The following CAPN2 variants were observed in gnomAD, a reference collection of about 807,000 sequenced individuals.
CAPN2 encodes the protein calpain 2.
CAPN2 carries 92 observed loss-of-function variants against 102.3 expected under a neutral mutation model. The observed-to-expected ratio is 0.90, with a 90% CI of 0.76 to 1.07. The LOEUF (loss-of-function observed/expected upper bound fraction) is 1.07, where lower values mean the gene tolerates loss of function less well. CAPN2 is among the 50% of genes least tolerant of loss of function. The pLI is 0.00. For missense variants in CAPN2, 800 were observed against 909.4 expected (o/e 0.88, Z 1.55); for synonymous variants, 340 against 355.4 (o/e 0.96, Z 0.49).
intron 19 of CAPN2, 82 bp downstream of exon 19, chr1:223,772,007 A>C: frequency 1.7e-6 from 2 of 1,149,636 alleles, no homozygotes; most frequent in Non-Finnish European, 2.6e-6. Flanking sequence ...GAAATCATCT[A>C]AACTAGAGAC....
intron 20 of CAPN2, among the ~76,000 whole-genome samples, chr1:223,773,913 A>G (rs1017192611): frequency 4.6e-5 from 7 of 152,108 alleles, no homozygotes; most frequent in African/African-American, 1.7e-4. Flanking sequence ...GCGTGCCTGT[A>G]GACCCAGCTA....
chr1:223,723,354 G>A (rs1036390741), intron 2 of CAPN2, among the ~76,000 whole-genome samples: 2 of 152,136 alleles, frequency 1.3e-5, no homozygotes, highest in Admixed American at 1.3e-4. Flanking sequence ...AAGTACCCAT[G>A]TAGTTAAAAT....
At chr1:223,757,517 C>T in intron 11 of CAPN2, 137 bp downstream of exon 11, 6 of 933,786 alleles carry the variant, frequency 6.4e-6, no homozygotes, top group Non-Finnish European at 1.0e-5. Flanking sequence ...ACCCCTGGGG[C>T]CCTGCTGAAG....
In CAPN2 at chr1:223,725,422, G is replaced by A. The variant is rs892739635; in HGVS notation, c.307+7591G>A. On this transcript the variant is annotated intron_variant, in intron 2 of 20. Coordinates refer to ENST00000295006, the MANE Select transcript of CAPN2 (RefSeq NM_001748.5). The surrounding 1 kb of genome is among the most constrained non-coding windows in gnomAD (Gnocchi z 4.1). Reference sequence around the variant, plus strand: ...TGTGTCTACCTCAGAGGACTGTAAAGATGAAATGAAATAATAGACATATAA... The same window carrying A: ...TGTGTCTACCTCAGAGGACTGTAAAAATGAAATGAAATAATAGACATATAA... Among the ~76,000 whole-genome samples the A allele has an allele frequency of 2.0e-5, 3 of 152,114 alleles. No individual in the cohort carries two copies. Among genetic ancestry groups the A allele is most frequent in the South Asian group, 2.1e-4 (1 of 4,834 alleles).
chr1:223,735,936 T>C (rs574868999), intron 2 of CAPN2, among the ~76,000 whole-genome samples: 7 of 152,276 alleles, frequency 4.6e-5, no homozygotes, highest in Admixed American at 3.9e-4. Flanking sequence ...CATGCCACCA[T>C]GCTCAGCTAA....
At chr1:223,740,760 G>A (rs1660592232) in intron 2 of CAPN2, among the ~76,000 whole-genome samples, 1 of 152,210 alleles carries the variant, frequency 6.6e-6, no homozygotes, top group Non-Finnish European at 1.5e-5. Context: ...GCTTCTAAGA[G>A]AAGTTACTAT....
upstream of CAPN2, among the ~76,000 whole-genome samples, chr1:223,711,857 A>C (rs28370003): frequency 6.6e-6 from 1 of 152,212 alleles, no homozygotes; most frequent in East Asian, 1.9e-4. Context: ...CCGGCCTCCC[A>C]AAGTGTTGGG....
intron 18 of CAPN2, chr1:223,771,589 C>T: frequency 2.0e-6 from 1 of 512,640 alleles, no homozygotes. Context: ...TATGTGTCAG[C>T]AAAGGACACA....
intron 2 of CAPN2, among the ~76,000 whole-genome samples, chr1:223,741,128 C>T (rs1374035654): frequency 6.6e-6 from 1 of 152,132 alleles, no homozygotes; most frequent in Non-Finnish European, 1.5e-5. Context: ...CCTGGCACAC[C>T]TAAGCCTTTG....
Position 223,747,152 on chromosome 1 carries a change from G to T in CAPN2, c.716G>T (p.Gly239Val). 1 of 1,613,112 alleles carries T rather than the reference G, an allele frequency of 6.2e-7. No homozygotes were observed. Among genetic ancestry groups the T allele is most frequent in the Non-Finnish European group, 8.5e-7 (1 of 1,179,386 alleles). ...QKALQKGSLL[G>V]CSIDITSAAD... The stretch of plus-strand genomic sequence containing the variant: ...GCTCTGCAAAAAGGCTCTCTCCTTG[G>T]CTGCTCCATCGACGTAAGTCCAGGC... Residue 239 changes from glycine to valine, a missense_variant, in exon 5 of 21, where the codon GGC becomes GTC. Gly to Val is a moderately radical substitution (Grantham distance 109). Coordinates refer to ENST00000295006, the MANE Select transcript of CAPN2 (RefSeq NM_001748.5).
intron 2 of CAPN2, among the ~76,000 whole-genome samples, chr1:223,721,753 TG>T (rs1315955999): frequency 2.0e-5 from 3 of 152,232 alleles, no homozygotes; most frequent in Non-Finnish European, 2.9e-5. Context: ...TTTCCAGTCC[TG>T]TTCCTTCTAC....
rs913452975 is a variant in CAPN2, at chr1:223,735,546, T to A, written c.308-8554T>A. Among the ~76,000 whole-genome samples the A allele has an allele frequency of 9.3e-4, 138 of 148,820 alleles. 1 individual carries two copies. Among genetic ancestry groups the A allele is most frequent in the African/African-American group, 3.2e-3 (127 of 39,774 alleles). ...CTATCTAAAAAAAAAAAAAAAAAAATTTGTGGTCTTCTAACCACAAATCTA... is the reference window on the plus strand; with the variant it reads ...CTATCTAAAAAAAAAAAAAAAAAAAATTGTGGTCTTCTAACCACAAATCTA... On this transcript the variant is annotated intron_variant, in intron 2 of 20. Transcript: ENST00000295006.
chr1:223,716,093 A>G (rs1659867095), intron 1 of CAPN2, among the ~76,000 whole-genome samples: 1 of 152,126 alleles, frequency 6.6e-6, no homozygotes, highest in South Asian at 2.1e-4. Context: ...TAATGCAGCA[A>G]AGCCCAAACC....
intron 16 of CAPN2, among the ~76,000 whole-genome samples, chr1:223,767,149 T>C (rs1419401397): frequency 6.6e-6 from 1 of 151,746 alleles, no homozygotes; most frequent in Non-Finnish European, 1.5e-5. Flanking sequence ...GAATCTGTTT[T>C]GTCTGATCAA....
Position 223,745,456 on chromosome 1 carries a change from C to G in CAPN2, c.560+17C>G, listed in dbSNP as rs1474536861. The G allele has an allele frequency of 1.7e-5, 27 of 1,614,114 alleles. No individual in the cohort carries two copies. Among genetic ancestry groups the G allele is most frequent in the Non-Finnish European group, 2.3e-5 (27 of 1,179,974 alleles). On this transcript the variant is annotated intron_variant, in intron 4 of 20. Transcript: ENST00000295006. ...ATACGCCAAGTAAGTTGCCATCCTC[C>G]CCTGGCCCCATGGCCTTCCCCCAAT...
Position 223,712,685 on chromosome 1 carries a change from C to T in CAPN2, c.45C>T (p.Ala15=), listed in dbSNP as rs2275879. The T allele has an allele frequency of 6.8e-5, 106 of 1,562,244 alleles. No individual in the cohort carries two copies. In the East Asian group the frequency reaches 2.4e-3, roughly 36 times the overall value. Residue 15 remains alanine (A), a synonymous_variant, in exon 1 of 21, where the codon GCC becomes GCT. Transcript: ENST00000295006. ...AGCTGGCGAAGGACCGGGAGGCGGCCGAGGGGCTGGGCTCCCACGACAGGG... is the reference window on the plus strand; with the variant it reads ...AGCTGGCGAAGGACCGGGAGGCGGCTGAGGGGCTGGGCTCCCACGACAGGG... ...AAKLAKDREA[A]EGLGSHDRAI...
chr1:223,710,988 C>T (rs12130788), upstream of CAPN2, among the ~76,000 whole-genome samples: 8,330 of 152,306 alleles, frequency 0.055, 300 homozygotes, highest in Admixed American at 0.073. Flanking sequence ...AGGTGTGCAT[C>T]TTCAACCATG....
chr1:223,718,606 G>A (rs770951755), intron 2 of CAPN2, among the ~76,000 whole-genome samples: 2 of 152,168 alleles, frequency 1.3e-5, no homozygotes, highest in Admixed American at 6.5e-5. Flanking sequence ...CATAATAAAT[G>A]TGGGCCTATA....
chr1:223,762,158 A>G, intron 13 of CAPN2, 28 bp from the exon 14 acceptor site: 1 of 1,605,296 alleles, frequency 6.2e-7, no homozygotes, highest in Non-Finnish European at 8.5e-7. Flanking sequence ...GCTCTGATGC[A>G]TTCTCATGTC....
Sources: gnomAD v4.1 joint callset for allele counts (sites outside exome capture counted in the v4.1 genomes callset) on GRCh38, gnomAD v4.1.1 for gene constraint, Gnocchi (gnomAD v3.1) non-coding constraint, MANE v1.5 for transcripts, NCBI Gene and HGNC (gene_info 2026-07-23, HGNC 2026-07-21) for gene names.